CNTN3: variants seen among roughly 807,000 people sequenced by gnomAD.
CNTN3 encodes the protein contactin 3, also known as contactin-3.
In CNTN3, 60 loss-of-function variants were observed where a neutral mutation model predicts 119.1. That is an observed-to-expected ratio of 0.50 (90% confidence interval 0.41 to 0.62). The LOEUF (loss-of-function observed/expected upper bound fraction) is 0.62. Ranked by LOEUF, CNTN3 falls within the 20% of genes least tolerant of loss-of-function variation. CNTN3 has a pLI of 0.00. For synonymous variants in CNTN3, 450 were observed against 438.7 expected (o/e 1.03, Z -0.32); for missense variants, 1,101 against 1,242.4 (o/e 0.89, Z 1.71).
chr3:74,431,477 T>C (rs1701782120), intron 4 of CNTN3, among the ~76,000 whole-genome samples: 1 of 152,172 alleles, frequency 6.6e-6, no homozygotes. Context: ...TAAATTTGAG[T>C]AAACTTGTGT....
intron 4 of CNTN3, among the ~76,000 whole-genome samples, chr3:74,460,494 C>G (rs1451877004): frequency 2.0e-5 from 3 of 151,688 alleles, no homozygotes; most frequent in Non-Finnish European, 4.4e-5. Context: ...GCATAAAGAT[C>G]CTGTACATGT....
intron 7 of CNTN3, among the ~76,000 whole-genome samples, chr3:74,369,619 T>C (rs1177292613): frequency 1.3e-5 from 2 of 151,392 alleles, no homozygotes; most frequent in Non-Finnish European, 2.9e-5. Context: ...CCCACCATAT[T>C]AGATTACAGC....
chr3:74,518,297 G>T (rs1412837221), intron 2 of CNTN3, among the ~76,000 whole-genome samples: 1 of 151,904 alleles, frequency 6.6e-6, no homozygotes, highest in African/African-American at 2.4e-5. Context: ...AAACTGTCAA[G>T]ATTTAAATGG....
chr3:74,469,804 C>T (rs77056548), intron 4 of CNTN3, among the ~76,000 whole-genome samples: 3,367 of 152,136 alleles, frequency 0.022, 125 homozygotes, highest in African/African-American at 0.075. Flanking sequence ...TACTTAAAAA[C>T]GTTAAATGTA....
At chr3:74,540,349 A>G (rs1349711082) in intron 1 of CNTN3, among the ~76,000 whole-genome samples, 1 of 152,130 alleles carries the variant, frequency 6.6e-6, no homozygotes, top group Non-Finnish European at 1.5e-5. Flanking sequence ...ATTTCTTTCC[A>G]CACCACAAGT....
At chr3:74,267,401 T>G in intron 20 of CNTN3, 23 bp from the exon 21 acceptor site, 1 of 1,503,718 alleles carries the variant, frequency 6.7e-7, no homozygotes, top group East Asian at 2.3e-5. Context: ...AATGAGAAAT[T>G]TTAAAACAGA....
At chr3:74,565,897 T>C (rs114966096) in intron 1 of CNTN3, among the ~76,000 whole-genome samples, 4,327 of 152,014 alleles carry the variant, frequency 0.028, 238 homozygotes, top group African/African-American at 0.099. Context: ...TGGTAGGAGG[T>C]ATTTGAATCA....
At chr3:74,448,818 A>C (rs368895856) in intron 4 of CNTN3, among the ~76,000 whole-genome samples, 33 of 152,170 alleles carry the variant, frequency 2.2e-4, no homozygotes, top group African/African-American at 7.5e-4. Context: ...TTTGAAAAAC[A>C]GTTTTTGTTT....
chr3:74,456,165 G>A (rs1702265221), intron 4 of CNTN3, among the ~76,000 whole-genome samples: 3 of 151,738 alleles, frequency 2.0e-5, no homozygotes, highest in Admixed American at 1.3e-4. Context: ...AAATGGGGTG[G>A]GAAGACATCC....
intron 1 of CNTN3, among the ~76,000 whole-genome samples, chr3:74,538,781 G>GT (rs1276778076): frequency 6.6e-6 from 1 of 152,036 alleles, no homozygotes; most frequent in African/African-American, 2.4e-5. Flanking sequence ...CAAAGCTGCT[G>GT]TTTTTATAGA....
chr3:74,577,852 T>C (rs1704443203), intron 1 of CNTN3, among the ~76,000 whole-genome samples: 1 of 152,120 alleles, frequency 6.6e-6, no homozygotes, highest in African/African-American at 2.4e-5. Flanking sequence ...ACATATGCAA[T>C]TTGCAGAATC....
chr3:74,599,648 G>A (rs1704876054), intron 1 of CNTN3, among the ~76,000 whole-genome samples: 1 of 152,034 alleles, frequency 6.6e-6, no homozygotes, highest in South Asian at 2.1e-4. Flanking sequence ...GGCAGTGATA[G>A]GTAATAGTAA....
chr3:74,327,169 C>T (rs1453824358), intron 13 of CNTN3, among the ~76,000 whole-genome samples: 2 of 132,610 alleles, frequency 1.5e-5, no homozygotes, highest in African/African-American at 5.6e-5. Context: ...TCTCTGGTTG[C>T]CCAGGCTGGA....
chr3:74,386,615 T>C (rs1296021469), intron 5 of CNTN3, among the ~76,000 whole-genome samples: 1 of 152,132 alleles, frequency 6.6e-6, no homozygotes, highest in Non-Finnish European at 1.5e-5. Context: ...TTAAAACACA[T>C]GACTAAGTTC....
chr3:74,354,025 T>C lies in CNTN3; in HGVS notation c.1364+7865A>G, dbSNP rs142042127. On this transcript the variant is annotated intron_variant, in intron 11 of 22. Transcript: ENST00000263665. ...AACTGCTCCTTTTTCAAAAATGTCATATAAATCCAATAATACAGCATATAA... is the reference window on the plus strand; with the variant it reads ...AACTGCTCCTTTTTCAAAAATGTCACATAAATCCAATAATACAGCATATAA... Among the ~76,000 whole-genome samples the C allele has an allele frequency of 2.2e-3, 333 of 152,216 alleles. 8 individuals carry two copies. Among genetic ancestry groups the C allele is most frequent in the African/African-American group, 7.4e-3 (305 of 41,494 alleles).
chr3:74,331,717 T>C (rs1254625108), intron 13 of CNTN3, among the ~76,000 whole-genome samples: 2 of 152,218 alleles, frequency 1.3e-5, no homozygotes, highest in Admixed American at 1.3e-4. Context: ...ATGATACGAC[T>C]TTTTGATTCG....
At position 74,300,484 on chromosome 3, in the gene CNTN3, G is replaced by A. The variant is rs369064809; in HGVS notation, c.2096-546C>T. 1.4e-4 allele frequency among the ~76,000 whole-genome samples: 22 copies of A among 152,318 alleles called. No homozygotes were observed. In the East Asian group the frequency reaches 3.7e-3, roughly 25 times the overall value. On this transcript the variant is annotated intron_variant, in intron 16 of 22. Transcript: ENST00000263665. The stretch of plus-strand genomic sequence containing the variant: ...GAAGTCCCATGAAGGTGGGTCTTTG[G>A]TATGGTCACAGCTGTACTTGCAATG...
chr3:74,553,015 C>T (rs971964838), intron 1 of CNTN3, among the ~76,000 whole-genome samples: 2 of 152,110 alleles, frequency 1.3e-5, no homozygotes, highest in Admixed American at 1.3e-4. Flanking sequence ...TATACACGTG[C>T]CATGGTGGTT....
At chr3:74,405,771 G>A (rs1042681382) in intron 5 of CNTN3, among the ~76,000 whole-genome samples, 1 of 151,978 alleles carries the variant, frequency 6.6e-6, no homozygotes, top group Non-Finnish European at 1.5e-5. Flanking sequence ...TTTACATATT[G>A]TTTTTATAAT....
Sources: gnomAD v4.1 joint callset for allele counts (sites outside exome capture counted in the v4.1 genomes callset) on GRCh38, gnomAD v4.1.1 for gene constraint, MANE v1.5 for transcripts, NCBI Gene and HGNC (gene_info 2026-07-23, HGNC 2026-07-21) for gene names.